The following XKR4 variants were observed in gnomAD, a reference collection of about 807,000 sequenced individuals.
The protein encoded by XKR4 is XK-related protein 4.
XKR4 carries 12 observed loss-of-function variants against 53.9 expected under a neutral mutation model. That is an observed-to-expected ratio of 0.22 (90% CI 0.14 to 0.36). The LOEUF is 0.36. XKR4 is among the 10% of genes least tolerant of loss of function. The pLI, the probability that XKR4 is intolerant of heterozygous loss-of-function variation, is 1.00. For synonymous variants in XKR4, 354 were observed against 362.4 expected (o/e 0.98, Z 0.26); for missense variants, 799 against 859.5 (o/e 0.93, Z 0.88).
intron 1 of XKR4, among the ~76,000 whole-genome samples, chr8:55,207,186 G>T (rs1040324392): frequency 6.6e-6 from 1 of 152,144 alleles, no homozygotes; most frequent in Non-Finnish European, 1.5e-5. Context: ...GTACTTCTTT[G>T]CAGCTTCCAA....
At position 55,102,229 on chromosome 8, in the gene XKR4, G is replaced by A. The variant is rs1274883077; in HGVS notation, c.-260G>A. Among the ~76,000 whole-genome samples, 1 of 145,736 alleles carries A rather than the reference G, an allele frequency of 6.9e-6. No homozygotes were observed. Among genetic ancestry groups the A allele is most frequent in the Non-Finnish European group, 1.5e-5 (1 of 65,668 alleles). On this transcript the variant is annotated 5_prime_UTR_variant, in exon 1 of 3. Coordinates refer to ENST00000327381, the MANE Select transcript of XKR4 (RefSeq NM_052898.2). The surrounding 1 kb of genome is among the most constrained non-coding windows in gnomAD (Gnocchi z 5.1). ...GGCGGCGGGCAGGGGCGCGCGCGGGGCGCCGCGAGCAGCTTGGCTCCGCGC... is the reference window on the plus strand; with the variant it reads ...GGCGGCGGGCAGGGGCGCGCGCGGGACGCCGCGAGCAGCTTGGCTCCGCGC...
At chr8:55,456,587 A>T (rs942999576) in intron 2 of XKR4, among the ~76,000 whole-genome samples, 1 of 152,244 alleles carries the variant, frequency 6.6e-6, no homozygotes, top group Non-Finnish European at 1.5e-5. Context: ...CAAATATTGG[A>T]AGTGAAAAAG....
chr8:55,142,201 CT>C, intron 1 of XKR4: 1 of 456,054 alleles, frequency 2.2e-6, no homozygotes, highest in Non-Finnish European at 4.4e-6. Context: ...TGCTGATCTG[CT>C]GGTCAAACGG....
At chr8:55,128,983 C>G (rs1254671283) in intron 1 of XKR4, among the ~76,000 whole-genome samples, 1 of 152,168 alleles carries the variant, frequency 6.6e-6, no homozygotes, top group Non-Finnish European at 1.5e-5. Flanking sequence ...GTGATAGGCT[C>G]TCAATCTTCA....
chr8:55,276,217 C>T (rs12549857), intron 1 of XKR4, among the ~76,000 whole-genome samples: 2,045 of 152,280 alleles, frequency 0.013, 43 homozygotes, highest in East Asian at 0.046. Context: ...ACAACACCCT[C>T]GATGACTCGT....
intron 1 of XKR4, among the ~76,000 whole-genome samples, chr8:55,161,812 T>C (rs529024796): frequency 6.6e-6 from 1 of 152,362 alleles, no homozygotes; most frequent in Admixed American, 6.5e-5. Context: ...CAAAGTTAAG[T>C]ATCTGAGGTC....
chr8:55,234,903 C>T (rs552117030), intron 1 of XKR4, among the ~76,000 whole-genome samples: 1 of 152,314 alleles, frequency 6.6e-6, no homozygotes, highest in African/African-American at 2.4e-5. Context: ...ATCCCGGCTC[C>T]TTGGCCCTGC....
intron 2 of XKR4, chr8:55,453,045 C>A: frequency 1.6e-6 from 1 of 610,794 alleles, no homozygotes; most frequent in Admixed American, 1.9e-5. Context: ...GGGAAGGTGC[C>A]TCCCCAACCT....
chr8:55,342,740 A>G (rs1452422324), intron 1 of XKR4, among the ~76,000 whole-genome samples: 1 of 152,072 alleles, frequency 6.6e-6, no homozygotes, highest in Middle Eastern at 3.4e-3. Flanking sequence ...TCTCTAGTAT[A>G]TTTCCCTGCC....
At chr8:55,337,886 G>A (rs1420938050) in intron 1 of XKR4, among the ~76,000 whole-genome samples, 1 of 152,164 alleles carries the variant, frequency 6.6e-6, no homozygotes, top group East Asian at 1.9e-4. Context: ...TCCTCACTAT[G>A]TTATGAGAAA....
Position 55,534,363 on chromosome 8 carries a change from C to CTTTTTTTTTTTTTTTT in XKR4, c.*10149_*10164dup, listed in dbSNP as rs1160872780. ...GCTCAAAGATCACGAATCTGATATT[C>CTTTTTTTTTTTTTTTT]TTTTTTTTTTTTTTTTTTTTTTTTT... On this transcript the variant is annotated 3_prime_UTR_variant, in exon 3 of 3. Transcript: ENST00000327381. 13 of 47,134 alleles carry CTTTTTTTTTTTTTTTT rather than the reference C, an allele frequency of 2.8e-4. 4 individuals carry two copies. Among genetic ancestry groups the CTTTTTTTTTTTTTTTT allele is most frequent in the Non-Finnish European group, 3.4e-4 (9 of 26,632 alleles). The allele number at this position is 47,134 out of a possible 1,614,324, so 2.9% of individuals were successfully genotyped here.
At chr8:55,450,267 TC>T in intron 2 of XKR4, 1 of 673,080 alleles carries the variant, frequency 1.5e-6, no homozygotes, top group Non-Finnish European at 2.5e-6. Flanking sequence ...CTCAGGGGGT[TC>T]CCCGAGCCAG....
chr8:55,168,364 C>T lies in XKR4; in HGVS notation c.806+65070C>T, dbSNP rs1563473505. Among the ~76,000 whole-genome samples the T allele has an allele frequency of 3.3e-5, 5 of 152,204 alleles. No individual in the cohort carries two copies. In the East Asian group the frequency reaches 9.6e-4, roughly 29 times the overall value. On this transcript the variant is annotated intron_variant, in intron 1 of 2. Coordinates refer to ENST00000327381, the MANE Select transcript of XKR4 (RefSeq NM_052898.2). ...TTGGGGAGCAGGAGATGAGTGAATCCAATATCATCTGTCAAATCCTTCATC... is the reference window on the plus strand; with the variant it reads ...TTGGGGAGCAGGAGATGAGTGAATCTAATATCATCTGTCAAATCCTTCATC...
intron 2 of XKR4, among the ~76,000 whole-genome samples, chr8:55,372,113 G>A (rs1804076780): frequency 6.6e-6 from 1 of 152,168 alleles, no homozygotes; most frequent in Admixed American, 6.5e-5. Flanking sequence ...TATGGCTATG[G>A]GAAGAGGAGA....
At chr8:55,494,828 G>A (rs1439155109) in intron 2 of XKR4, among the ~76,000 whole-genome samples, 1 of 152,172 alleles carries the variant, frequency 6.6e-6, no homozygotes, top group African/African-American at 2.4e-5. Context: ...GGGTGGCCAT[G>A]GGCAGGCCCA....
chr8:55,161,727 C>A, intron 1 of XKR4: 1 of 425,184 alleles, frequency 2.4e-6, no homozygotes, highest in Non-Finnish European at 4.7e-6. Flanking sequence ...CAGGTGCCAC[C>A]CATGGCCACT....
At chr8:55,515,123 T>C (rs1002812549) in intron 2 of XKR4, among the ~76,000 whole-genome samples, 1 of 152,378 alleles carries the variant, frequency 6.6e-6, no homozygotes, top group Admixed American at 6.5e-5. Context: ...TTAATTTCAA[T>C]TCGTTGTTTT....
chr8:55,448,341 G>T (rs886240939), intron 2 of XKR4, among the ~76,000 whole-genome samples: 3 of 152,174 alleles, frequency 2.0e-5, no homozygotes, highest in Non-Finnish European at 4.4e-5. Flanking sequence ...TCAATGAAAT[G>T]AAAAACACTT....
At chr8:55,381,583 T>A (rs1022340955) in intron 2 of XKR4, among the ~76,000 whole-genome samples, 2 of 152,114 alleles carry the variant, frequency 1.3e-5, no homozygotes, top group Admixed American at 6.5e-5. Context: ...GAAAAGGCAG[T>A]GAATTGACCT....
Sources: allele counts gnomAD v4.1 joint callset (sites outside exome capture counted in the v4.1 genomes callset), GRCh38; gene constraint gnomAD v4.1.1; non-coding constraint Gnocchi (gnomAD v3.1); transcripts MANE v1.5; gene names NCBI Gene and HGNC (gene_info 2026-07-23, HGNC 2026-07-21).